SLC2A9: variants seen among roughly 807,000 people sequenced by gnomAD.
SLC2A9 encodes solute carrier family 2 member 9.
SLC2A9 carries 39 observed loss-of-function variants against 50.6 expected under a neutral mutation model. The ratio of observed to expected loss-of-function variants is 0.77; its 90% CI spans 0.60 to 1.01. The LOEUF is 1.01. Ranked by LOEUF, SLC2A9 falls within the 50% of genes least tolerant of loss-of-function variation. The probability of loss-of-function intolerance (pLI) is 0.00; values close to 1 mark genes in which losing one functional copy is unlikely to be tolerated. For synonymous variants in SLC2A9, 324 were observed against 276.9 expected, an observed-to-expected ratio of 1.17 and a Z score of -1.69; for missense variants, 686 against 677.6, an observed-to-expected ratio of 1.01 and a Z score of -0.14.
chr4:9,780,351 G>C (rs1432109970), intron 3 of SLC2A9, among the ~76,000 whole-genome samples: 1 of 152,160 alleles, frequency 6.6e-6, no homozygotes, highest in Middle Eastern at 3.2e-3. Flanking sequence ...GATGAGGAGA[G>C]ACCAGAGGTG....
At chr4:10,034,009 C>T (rs1764019006) in intron 1 of SLC2A9, among the ~76,000 whole-genome samples, 1 of 152,204 alleles carries the variant, frequency 6.6e-6, no homozygotes, top group African/African-American at 2.4e-5. Context: ...CTTACTGACT[C>T]TCTCCCCTCA....
chr4:9,978,804 G>C (rs1461298672), intron 5 of SLC2A9, among the ~76,000 whole-genome samples: 1 of 152,214 alleles, frequency 6.6e-6, no homozygotes, highest in Non-Finnish European at 1.5e-5. Context: ...CCTCTGAGGT[G>C]ACCTCGATTG....
intron 7 of SLC2A9, among the ~76,000 whole-genome samples, chr4:9,911,199 T>G (rs1244918117): frequency 6.6e-6 from 1 of 152,164 alleles, no homozygotes; most frequent in Non-Finnish European, 1.5e-5. Context: ...TATTCATTCA[T>G]GCACCAAAAG....
rs36144026 is a variant in SLC2A9, at chr4:9,788,356, ATT to A, written n.386-8293_386-8292del. On this transcript the variant is annotated intron_variant and non_coding_transcript_variant, in intron 3 of 3. Coordinates refer to the SLC2A9 transcript ENST00000503803. ...AGTCATATGCCACCATGCCCAGGTA[ATT>A]TTTTTTTTTTTTTGTAGAGACGGGG... 4.1e-3 allele frequency among the ~76,000 whole-genome samples: 561 copies of A among 136,886 alleles called. 3 individuals are homozygous for A. The highest frequency in any genetic ancestry group is 0.015 in the African/African-American group (539 of 36,352). The allele number at this position is 136,886 out of a possible 152,430, so 89.8% of individuals were successfully genotyped here. A position where few individuals can be genotyped will look rare whatever the true frequency, so the allele number is the denominator to read the frequency against.
intron 4 of SLC2A9, among the ~76,000 whole-genome samples, chr4:9,982,994 G>A (rs1236907765): frequency 3.3e-5 from 5 of 152,082 alleles, no homozygotes; most frequent in Non-Finnish European, 7.4e-5. Context: ...TCAGCCTCCC[G>A]AGTAGCTGGG....
At chr4:9,973,025 G>C (rs757857794) in intron 5 of SLC2A9, among the ~76,000 whole-genome samples, 8 of 151,978 alleles carry the variant, frequency 5.3e-5, no homozygotes, top group Non-Finnish European at 1.2e-4. Context: ...TTATTTGAAA[G>C]GATAAATGAG....
In SLC2A9 at chr4:9,876,508, C is replaced by T. The variant is rs563396518; in HGVS notation, c.1291+11059G>A. ...CAGGAGGCTGAGGTGGGAGGATAGC[C>T]TGAGTCCAGGAGGTGGAGGCTGCAG... On this transcript the variant is annotated intron_variant, in intron 10 of 11. Transcript: ENST00000264784. 7.9e-5 allele frequency among the ~76,000 whole-genome samples: 12 copies of T among 152,202 alleles called. No individual in the cohort carries two copies. In the South Asian group the frequency reaches 1.9e-3, roughly 24 times the overall value.
In SLC2A9 at chr4:9,931,798, G is replaced by A. The variant is rs73096624; in HGVS notation, c.814+10115C>T. Among the ~76,000 whole-genome samples, 1,208 of 151,452 alleles carry A rather than the reference G, an allele frequency of 8.0e-3. 18 individuals are homozygous for A. The highest frequency in any genetic ancestry group is 0.028 in the African/African-American group (1,161 of 41,146). On this transcript the variant is annotated intron_variant, in intron 6 of 11. Coordinates refer to ENST00000264784, the MANE Select transcript of SLC2A9 (RefSeq NM_020041.3). ...CTGTGTTAAGGGAAGAACAAGGAAC[G>A]GGTTCTGCTCCCAGGAGGTCTCTAG...
intron 5 of SLC2A9, among the ~76,000 whole-genome samples, chr4:9,976,331 C>G (rs935439421): frequency 7.9e-5 from 12 of 151,000 alleles, no homozygotes; most frequent in African/African-American, 2.9e-4. Flanking sequence ...AAGCAATTGC[C>G]TTCATTGAAG....
At chr4:9,861,224 G>C (rs191062093) in intron 10 of SLC2A9, among the ~76,000 whole-genome samples, 1 of 152,128 alleles carries the variant, frequency 6.6e-6, no homozygotes, top group Non-Finnish European at 1.5e-5. Context: ...TTCCAATCAC[G>C]GTGGAAGGCA....
chr4:9,824,234 G>A (rs557864622), downstream of SLC2A9, among the ~76,000 whole-genome samples: 7 of 151,982 alleles, frequency 4.6e-5, no homozygotes, highest in East Asian at 1.2e-3. Flanking sequence ...GCCTCAGGAC[G>A]GCAAGAGGCC....
intron 6 of SLC2A9, among the ~76,000 whole-genome samples, chr4:9,936,216 C>T (rs776061241): frequency 5.3e-5 from 8 of 152,140 alleles, no homozygotes; most frequent in Non-Finnish European, 1.0e-4. Context: ...AGAATCCTTA[C>T]GAACAGGATT....
intron 3 of SLC2A9, among the ~76,000 whole-genome samples, chr4:9,991,341 A>T (rs530675455): frequency 6.6e-6 from 1 of 152,202 alleles, no homozygotes; most frequent in Non-Finnish European, 1.5e-5. Context: ...TGTCAGCAGC[A>T]CGGTGTGTTG....
chr4:9,932,868 A>G (rs1181876331), intron 6 of SLC2A9, among the ~76,000 whole-genome samples: 1 of 152,232 alleles, frequency 6.6e-6, no homozygotes, highest in Non-Finnish European at 1.5e-5. Flanking sequence ...GTTAGATTCC[A>G]GCAGTGAGAG....
At chr4:10,001,366 C>T (rs1438448533) in intron 2 of SLC2A9, among the ~76,000 whole-genome samples, 1 of 152,138 alleles carries the variant, frequency 6.6e-6, no homozygotes, top group Non-Finnish European at 1.5e-5. Context: ...TGTAAACAGG[C>T]ATGGGGAGAA....
At chr4:9,822,486 TC>T (rs1022680652), downstream of SLC2A9, among the ~76,000 whole-genome samples, 1 of 152,208 alleles carries the variant, frequency 6.6e-6, no homozygotes, top group Non-Finnish European at 1.5e-5. Flanking sequence ...ATCTACTTTT[TC>T]TACTATTAAT....
chr4:9,938,094 T>TA, intron 6 of SLC2A9, among the ~76,000 whole-genome samples: 1 of 152,332 alleles, frequency 6.6e-6, no homozygotes, highest in Non-Finnish European at 1.5e-5. Flanking sequence ...ATAAGTGAAT[T>TA]AAATTGGCAT....
chr4:9,891,174 T>C (rs1737344684), intron 8 of SLC2A9, among the ~76,000 whole-genome samples: 2 of 152,146 alleles, frequency 1.3e-5, no homozygotes, highest in Non-Finnish European at 2.9e-5. Flanking sequence ...AGTCTGCCTG[T>C]GTCTGGGGAA....
chr4:9,998,901 C>T (rs996662758), intron 2 of SLC2A9, among the ~76,000 whole-genome samples: 11 of 152,188 alleles, frequency 7.2e-5, no homozygotes, highest in African/African-American at 2.7e-4. Context: ...AAAAACAAAA[C>T]ATACACAGTC....
Sources: gnomAD v4.1 joint callset for allele counts (sites outside exome capture counted in the v4.1 genomes callset) on GRCh38, gnomAD v4.1.1 for gene constraint, MANE v1.5 for transcripts, NCBI Gene and HGNC (gene_info 2026-07-23, HGNC 2026-07-21) for gene names.